FAM110B: variants seen among roughly 807,000 people sequenced by gnomAD.
The protein encoded by FAM110B is protein FAM110B.
A neutral mutation model predicts 20.4 loss-of-function variants in FAM110B; 6 were observed. The observed-to-expected ratio is 0.29, with a 90% CI of 0.16 to 0.58. FAM110B has a LOEUF of 0.58. Ranked by LOEUF, FAM110B falls within the 20% of genes least tolerant of loss-of-function variation. The pLI is 0.90. For synonymous variants in FAM110B, 226 were observed against 214.1 expected (o/e 1.06, Z -0.49); for missense variants, 434 against 498.2 (o/e 0.87, Z 1.23).
chr8:58,042,133 T>C (rs1308195585), intron 2 of FAM110B, among the ~76,000 whole-genome samples: 1 of 152,260 alleles, frequency 6.6e-6, no homozygotes, highest in African/African-American at 2.4e-5. Context: ...TTAGAACAAG[T>C]ACTGTTATTG....
At chr8:58,038,669 T>A (rs943660658) in intron 2 of FAM110B, among the ~76,000 whole-genome samples, 14 of 152,040 alleles carry the variant, frequency 9.2e-5, no homozygotes, top group African/African-American at 3.1e-4. Context: ...GGAGAATCAT[T>A]TGAACCTGGG....
chr8:58,076,145 G>A (rs561097622), intron 3 of FAM110B, among the ~76,000 whole-genome samples: 77 of 152,026 alleles, frequency 5.1e-4, no homozygotes, highest in Non-Finnish European at 8.4e-4. Context: ...TTTTTTCATA[G>A]AGATGGGGTC....
intron 1 of FAM110B, among the ~76,000 whole-genome samples, chr8:57,997,587 TC>T (rs1486159212): frequency 6.6e-6 from 1 of 152,188 alleles, no homozygotes; most frequent in Non-Finnish European, 1.5e-5. Flanking sequence ...GAAAACAACT[TC>T]CTAGGGCCAA....
At chr8:58,020,697 A>G (rs1804733515) in intron 1 of FAM110B, among the ~76,000 whole-genome samples, 1 of 152,240 alleles carries the variant, frequency 6.6e-6, no homozygotes, top group South Asian at 2.1e-4. Flanking sequence ...GCCTTCTAAC[A>G]TTTCCACTGT....
At chr8:58,125,085 T>C (rs951170090) in intron 3 of FAM110B, among the ~76,000 whole-genome samples, 1 of 152,206 alleles carries the variant, frequency 6.6e-6, no homozygotes, top group African/African-American at 2.4e-5. Context: ...CAGTGGCTTA[T>C]GCCTGTAATC....
intron 1 of FAM110B, among the ~76,000 whole-genome samples, chr8:57,998,369 C>T (rs1215934356): frequency 6.6e-6 from 1 of 152,142 alleles, no homozygotes; most frequent in Non-Finnish European, 1.5e-5. Context: ...CAGCACAGCT[C>T]CCCCTATGCC....
At chr8:58,102,735 T>A (rs1230963946) in intron 3 of FAM110B, among the ~76,000 whole-genome samples, 2 of 152,138 alleles carry the variant, frequency 1.3e-5, no homozygotes, top group Non-Finnish European at 2.9e-5. Flanking sequence ...TTCTCCTTTT[T>A]CATAGTTTCC....
At chr8:58,106,575 A>C (rs1008695689) in intron 3 of FAM110B, among the ~76,000 whole-genome samples, 24 of 152,224 alleles carry the variant, frequency 1.6e-4, no homozygotes, top group Non-Finnish European at 2.6e-4. Context: ...ACAGGAACCC[A>C]GGGAAGGCAG....
chr8:58,094,189 T>C (rs1239503840), intron 3 of FAM110B, among the ~76,000 whole-genome samples: 1 of 152,232 alleles, frequency 6.6e-6, no homozygotes, highest in Admixed American at 6.5e-5. Flanking sequence ...TCATGTCATC[T>C]GCAAACAGAG....
intron 1 of FAM110B, among the ~76,000 whole-genome samples, chr8:58,018,172 A>G (rs959400230): frequency 1.2e-4 from 19 of 152,282 alleles, no homozygotes; most frequent in Non-Finnish European, 2.8e-4. Flanking sequence ...TGTTCTATCA[A>G]TTATTGAGTG....
intron 3 of FAM110B, among the ~76,000 whole-genome samples, chr8:58,141,785 A>G (rs904081980): frequency 6.6e-6 from 1 of 152,240 alleles, no homozygotes; most frequent in Non-Finnish European, 1.5e-5. Flanking sequence ...TGCGTCAACA[A>G]TGAGCCACAT....
intron 1 of FAM110B, among the ~76,000 whole-genome samples, chr8:57,998,573 A>G (rs1563492224): frequency 6.6e-6 from 1 of 152,256 alleles, no homozygotes; most frequent in Non-Finnish European, 1.5e-5. Flanking sequence ...AAAACATTAT[A>G]GAAATACAAA....
At chr8:58,071,932 G>A (rs921466807) in intron 2 of FAM110B, among the ~76,000 whole-genome samples, 9 of 152,260 alleles carry the variant, frequency 5.9e-5, no homozygotes, top group East Asian at 5.8e-4. Flanking sequence ...AGAAGGGTGC[G>A]TATCAGTAGC....
intron 2 of FAM110B, among the ~76,000 whole-genome samples, chr8:58,060,203 A>G (rs565367763): frequency 1.2e-3 from 178 of 152,304 alleles, no homozygotes; most frequent in African/African-American, 4.1e-3. Flanking sequence ...CAGGCAACCT[A>G]CCTATCTAGA....
At chr8:58,068,255 A>T (rs139264509) in intron 2 of FAM110B, among the ~76,000 whole-genome samples, 1 of 152,220 alleles carries the variant, frequency 6.6e-6, no homozygotes, top group Non-Finnish European at 1.5e-5. Context: ...CTGATAATTC[A>T]CTAGGATGAT....
chr8:58,069,195 T>A (rs1344112349), intron 2 of FAM110B, among the ~76,000 whole-genome samples: 1 of 152,202 alleles, frequency 6.6e-6, no homozygotes, highest in Non-Finnish European at 1.5e-5. Flanking sequence ...CATGTTGAGG[T>A]ACTCTCTTGA....
chr8:58,022,611 A>ATTT (rs1804778276), intron 1 of FAM110B, among the ~76,000 whole-genome samples: 1 of 152,232 alleles, frequency 6.6e-6, no homozygotes, highest in Non-Finnish European at 1.5e-5. Flanking sequence ...AGCCTTTAAA[A>ATTT]AAAGTATCCA....
At chr8:58,088,637 G>A (rs1378028268) in intron 3 of FAM110B, among the ~76,000 whole-genome samples, 1 of 152,176 alleles carries the variant, frequency 6.6e-6, no homozygotes, top group Non-Finnish European at 1.5e-5. Context: ...TAGAATTTGT[G>A]TAGAAGTTAC....
rs143355801 is a variant in FAM110B, at chr8:58,142,001, A to G, written c.-324-3906A>G. Among the ~76,000 whole-genome samples the G allele has an allele frequency of 4.6e-4, 70 of 152,290 alleles. No homozygotes were observed. In the East Asian group the frequency reaches 8.7e-3, roughly 19 times the overall value. On this transcript the variant is annotated intron_variant, in intron 3 of 3. Coordinates refer to ENST00000519262, the MANE Select transcript of FAM110B (RefSeq NM_001377989.1). ...TGCAAATGTTCTTGAGGTCTCCCCA[A>G]GGTTATAGTTCAGCTGAGGGTCCTG...
Sources: gnomAD v4.1 joint callset for allele counts (sites outside exome capture counted in the v4.1 genomes callset) on GRCh38, gnomAD v4.1.1 for gene constraint, MANE v1.5 for transcripts, NCBI Gene and HGNC (gene_info 2026-07-23, HGNC 2026-07-21) for gene names.